The following MS4A18 variants were observed in gnomAD, a reference collection of about 807,000 sequenced individuals.
MS4A18 encodes the protein membrane spanning 4-domains A18, also known as membrane-spanning 4-domains subfamily A member 18.
Under a neutral mutation model 13.1 loss-of-function variants are expected in MS4A18, and 27 were observed. The ratio of observed to expected loss-of-function variants is 2.06; its 90% confidence interval spans 1.52 to 2.84. The LOEUF is 2.84. MS4A18 is among the 30% of genes most tolerant of loss of function. The probability of loss-of-function intolerance (pLI) is 0.00; values close to 1 mark genes in which losing one functional copy is unlikely to be tolerated. For missense variants in MS4A18, 307 were observed against 196.4 expected (o/e 1.56, Z -3.37); for synonymous variants, 126 against 76.5 (o/e 1.65, Z -3.38).
chr11:60,741,071 C>G, exon 5 of MS4A18: 1 of 703,002 alleles, frequency 1.4e-6, no homozygotes, highest in South Asian at 1.5e-5. Flanking sequence ...TCCCCTTTGC[C>G]CTCCTGGAGT....
At chr11:60,733,085 T>C (rs1853281194) in intron 1 of MS4A18, among the ~76,000 whole-genome samples, 1 of 152,234 alleles carries the variant, frequency 6.6e-6, no homozygotes, top group Non-Finnish European at 1.5e-5. Context: ...CTACGTTTTC[T>C]AGGATTTGAC....
downstream of MS4A18, chr11:60,744,250 G>A (rs544414968): frequency 4.5e-5 from 20 of 443,950 alleles, no homozygotes; most frequent in African/African-American, 2.2e-4. Context: ...AGTTCAGGGT[G>A]CATTTTGGTT....
upstream of MS4A18, among the ~76,000 whole-genome samples, chr11:60,726,939 C>T (rs1853170278): frequency 6.6e-6 from 1 of 151,894 alleles, no homozygotes; most frequent in Admixed American, 6.6e-5. Flanking sequence ...CCCCCCAACC[C>T]TCCGACAGGC....
chr11:60,743,995 C>T (rs1193479524), exon 6 of MS4A18: 3 of 700,620 alleles, frequency 4.3e-6, no homozygotes, highest in East Asian at 2.7e-5. Context: ...CAAGAAATAG[C>T]TGATTTGCAC....
exon 4 of MS4A18, chr11:60,738,931 C>G (rs1291271017): frequency 1.4e-6 from 1 of 703,380 alleles, no homozygotes; most frequent in Non-Finnish European, 2.6e-6. Flanking sequence ...TCAACATCAT[C>G]AGCGCACTCT....
chr11:60,736,276 A>T (rs191747339), intron 2 of MS4A18, among the ~76,000 whole-genome samples: 1 of 147,856 alleles, frequency 6.8e-6, no homozygotes, highest in African/African-American at 2.5e-5. Flanking sequence ...CATTTGCCAG[A>T]TGAAGAGACT....
intron 1 of MS4A18, among the ~76,000 whole-genome samples, chr11:60,732,725 C>T (rs571990300): frequency 1.5e-4 from 20 of 129,750 alleles, no homozygotes; most frequent in African/African-American, 5.7e-4. Flanking sequence ...GGCAAGACTC[C>T]GTCTCAAAAA....
At chr11:60,741,628 G>A (rs1211448282) in intron 5 of MS4A18, among the ~76,000 whole-genome samples, 2 of 152,130 alleles carry the variant, frequency 1.3e-5, no homozygotes, top group African/African-American at 2.4e-5. Context: ...CAGATTCTAC[G>A]AGTGGAGCAA....
chr11:60,733,882 T>G (rs79739441), intron 2 of MS4A18, among the ~76,000 whole-genome samples: 2,073 of 151,886 alleles, frequency 0.014, 114 homozygotes, highest in Admixed American at 0.1. Flanking sequence ...AGGGAACTAT[T>G]GGGTACAAAC....
intron 5 of MS4A18, among the ~76,000 whole-genome samples, chr11:60,742,340 G>A (rs725427): frequency 0.034 from 5,123 of 152,202 alleles, 278 homozygotes; most frequent in African/African-American, 0.12. Flanking sequence ...TTTGTAGTTT[G>A]AGCAATTTCA....
chr11:60,737,758 C>T (rs972427104), intron 3 of MS4A18, among the ~76,000 whole-genome samples: 1 of 152,202 alleles, frequency 6.6e-6, no homozygotes, highest in East Asian at 1.9e-4. Context: ...CTCTGTATGG[C>T]TTGTCGTCTT....
intron 1 of MS4A18, 33 bp downstream of exon 2, chr11:60,729,819 G>T: frequency 3.0e-6 from 2 of 670,550 alleles, no homozygotes; most frequent in Non-Finnish European, 5.4e-6. Flanking sequence ...TCCGATTTGG[G>T]TCACTTCATA....
rs1245409946 is a variant in MS4A18, at chr11:60,743,633, T to C, written c.859-17T>C. The C allele has an allele frequency of 1.4e-6, 1 of 700,392 alleles. No individual in the cohort carries two copies. Among genetic ancestry groups the C allele is most frequent in the Non-Finnish European group, 2.6e-6 (1 of 383,448 alleles). The allele number at this position is 700,392 out of a possible 1,614,324, so 43.4% of individuals were successfully genotyped here. On this transcript the variant is annotated splice_polypyrimidine_tract_variant and intron_variant, in intron 5 of 5. Coordinates refer to ENST00000529108, the Ensembl canonical transcript of MS4A18. ...ACTACAGAGGAAGATGACGACCACA[T>C]GTCCTTTGTCTTTCAGAATGTGGCA...
Position 60,729,627 on chromosome 11 carries a change from C to T in MS4A18, c.312C>T (p.Thr104=), listed in dbSNP as rs550533158. The T allele has an allele frequency of 1.7e-5, 12 of 702,748 alleles. No homozygotes were observed. The African/African-American group carries it at 1.9e-4, about 11-fold the overall frequency. 43.5% of individuals were successfully genotyped at this position (702,748 alleles called of 1,614,324 possible). A position where few individuals can be genotyped will look rare whatever the true frequency, so the allele number is the denominator to read the frequency against. ...GAGTGATCCAATACACACAGGGAACCACGAATCTCCAGACATGGCCTGGAG... is the reference window on the plus strand; with the variant it reads ...GAGTGATCCAATACACACAGGGAACTACGAATCTCCAGACATGGCCTGGAG... The change falls in exon 1 of 6, where the codon ACC becomes ACT. Residue 104 remains threonine, a synonymous_variant. Coordinates refer to ENST00000529108, the Ensembl canonical transcript of MS4A18.
chr11:60,736,056 A>G (rs1210679768), intron 2 of MS4A18, among the ~76,000 whole-genome samples: 1 of 152,106 alleles, frequency 6.6e-6, no homozygotes, highest in African/African-American at 2.4e-5. Context: ...TATACATGGA[A>G]TAATCCTGTA....
At chr11:60,732,470 C>A (rs1157198159) in intron 1 of MS4A18, among the ~76,000 whole-genome samples, 1 of 151,986 alleles carries the variant, frequency 6.6e-6, no homozygotes, top group Non-Finnish European at 1.5e-5. Context: ...TGGCTCACCC[C>A]TGTAATCCCA....
intron 1 of MS4A18, among the ~76,000 whole-genome samples, chr11:60,730,486 A>G (rs1263045665): frequency 6.6e-6 from 1 of 152,188 alleles, no homozygotes; most frequent in Non-Finnish European, 1.5e-5. Flanking sequence ...GATAACCAAA[A>G]CATCATCCAT....
upstream of MS4A18, among the ~76,000 whole-genome samples, chr11:60,724,917 A>C (rs1853123913): frequency 6.6e-6 from 1 of 152,234 alleles, no homozygotes; most frequent in Non-Finnish European, 1.5e-5. Context: ...AGGGGTTCAG[A>C]CATAGGGTAG....
chr11:60,731,728 G>C (rs1477150026), intron 1 of MS4A18, among the ~76,000 whole-genome samples: 1 of 152,204 alleles, frequency 6.6e-6, no homozygotes, highest in Admixed American at 6.5e-5. Flanking sequence ...TTCTCAAACA[G>C]TTGTTGGCCA....
Sources: gnomAD v4.1 joint callset for allele counts (sites outside exome capture counted in the v4.1 genomes callset) on GRCh38, gnomAD v4.1.1 for gene constraint, MANE v1.5 for transcripts, NCBI Gene and HGNC (gene_info 2026-07-23, HGNC 2026-07-21) for gene names.